Variants in PRDM16 observed in about 807,000 individuals in gnomAD.
PRDM16 encodes PR/SET domain 16, also known as histone-lysine N-methyltransferase PRDM16.
Under a neutral mutation model 110.6 loss-of-function variants are expected in PRDM16, and 23 were observed. The ratio of observed to expected loss-of-function variants is 0.21; its 90% CI spans 0.15 to 0.29. The LOEUF (loss-of-function observed/expected upper bound fraction) is 0.29. Among genes scored for constraint, PRDM16 ranks in the 10% least tolerant of loss-of-function variants. The pLI is 1.00. For synonymous variants in PRDM16, 799 were observed against 781.8 expected (o/e 1.02, Z -0.37); for missense variants, 1,615 against 1,794.3 (o/e 0.90, Z 1.81).
At chr1:3,319,150 A>C (rs1159535136) in intron 3 of PRDM16, among the ~76,000 whole-genome samples, 2 of 152,122 alleles carry the variant, frequency 1.3e-5, no homozygotes, top group South Asian at 4.1e-4. Flanking sequence ...GGGACTGCTG[A>C]GGCTGGAGGT....
intron 2 of PRDM16, among the ~76,000 whole-genome samples, chr1:3,212,598 T>G: frequency 6.8e-6 from 1 of 146,946 alleles, no homozygotes; most frequent in African/African-American, 2.5e-5. Context: ...CCCCCGCTCA[T>G]CCTCCCGGCC....
chr1:3,187,851 G>A (rs371467010), intron 2 of PRDM16, among the ~76,000 whole-genome samples: 12 of 152,212 alleles, frequency 7.9e-5, no homozygotes, highest in East Asian at 3.8e-4. Flanking sequence ...TGGGGGTCCC[G>A]GTGCCTGAAG....
At chr1:3,383,051 C>T (rs1643132239) in intron 3 of PRDM16, among the ~76,000 whole-genome samples, 1 of 152,246 alleles carries the variant, frequency 6.6e-6, no homozygotes, top group African/African-American at 2.4e-5. Context: ...CACAGGCCCA[C>T]CTACAGTTCC....
At chr1:3,253,714 G>A (rs2100227637) in intron 3 of PRDM16, among the ~76,000 whole-genome samples, 1 of 152,240 alleles carries the variant, frequency 6.6e-6, no homozygotes, top group African/African-American at 2.4e-5. Flanking sequence ...AGTCCTTTGG[G>A]TATATACCCA....
intron 1 of PRDM16, among the ~76,000 whole-genome samples, chr1:3,119,090 C>T (rs899871921): frequency 1.3e-5 from 2 of 152,220 alleles, no homozygotes; most frequent in Non-Finnish European, 2.9e-5. Context: ...TACCCTGTGC[C>T]CTCCTTCAGG....
At chr1:3,237,166 G>A (rs528449640) in intron 2 of PRDM16, among the ~76,000 whole-genome samples, 6 of 152,192 alleles carry the variant, frequency 3.9e-5, no homozygotes, top group East Asian at 1.9e-4. Context: ...TGCCCCCATC[G>A]TCTGTTTCTT....
intron 3 of PRDM16, among the ~76,000 whole-genome samples, chr1:3,270,919 G>C (rs1640438598): frequency 6.6e-6 from 1 of 151,964 alleles, no homozygotes; most frequent in African/African-American, 2.4e-5. Flanking sequence ...GAGGAGGACA[G>C]TGGGGGAGGA....
intron 1 of PRDM16, among the ~76,000 whole-genome samples, chr1:3,181,244 A>ACG (rs1225918075): frequency 4.1e-5 from 2 of 48,598 alleles, no homozygotes; most frequent in African/African-American, 1.1e-4. Context: ...TCTTACACAC[A>ACG]GTCTTACACA....
In PRDM16 at chr1:3,196,336, G is replaced by T. The variant is rs1411436019; in HGVS notation, c.387+9862G>T. ...CTGACCCAGCCGGGCCCTGGAACTT[G>T]ACTTCACTACAGCCGATGGCCCTCT... is the stretch of plus-strand genomic sequence containing the variant. On this transcript the variant is annotated intron_variant, in intron 2 of 16. Coordinates refer to ENST00000270722, the MANE Select transcript of PRDM16 (RefSeq NM_022114.4). Among the ~76,000 whole-genome samples the T allele has an allele frequency of 2.0e-5, 3 of 152,260 alleles. No homozygotes were observed. In the East Asian group the frequency reaches 5.8e-4, roughly 29 times the overall value.
chr1:3,411,802 C>T lies in PRDM16; in HGVS notation c.1605C>T (p.Leu535=). The stretch of plus-strand genomic sequence containing the variant: ...CTCTGCTACCTCCCACATCGCTGCT[C>T]AAGAGCCCCCTGAACCACACCCAGG... ...RPPLLPPTSL[L]KSPLNHTQDA... The change falls in exon 9 of 17, where the codon CTC becomes CTT. Residue 535 remains leucine (L), a synonymous_variant. Transcript: ENST00000270722. 6.2e-7 allele frequency: 1 copy of T among 1,611,968 alleles called. No homozygotes were observed. Among genetic ancestry groups the T allele is most frequent in the South Asian group, 1.1e-5 (1 of 91,048 alleles).
intron 1 of PRDM16, among the ~76,000 whole-genome samples, chr1:3,181,582 T>C (rs1258566394): frequency 7.1e-6 from 1 of 139,866 alleles, no homozygotes; most frequent in African/African-American, 2.8e-5. Context: ...TTACACACGG[T>C]CTTACATATG....
chr1:3,176,448 A>G (rs559085501), intron 1 of PRDM16, among the ~76,000 whole-genome samples: 1 of 150,958 alleles, frequency 6.6e-6, no homozygotes, highest in East Asian at 2.0e-4. Context: ...ACAGCTCCTC[A>G]GAGCAGGAAG....
intron 3 of PRDM16, among the ~76,000 whole-genome samples, chr1:3,252,319 A>G (rs911201765): frequency 5.3e-5 from 8 of 152,282 alleles, no homozygotes; most frequent in Admixed American, 1.3e-4. Flanking sequence ...TGGGCTCTGC[A>G]GCTGCTCCTC....
intron 1 of PRDM16, among the ~76,000 whole-genome samples, chr1:3,076,107 C>A (rs180711049): frequency 4.6e-5 from 7 of 152,242 alleles, no homozygotes; most frequent in Admixed American, 3.9e-4. Flanking sequence ...AGGGAACCCA[C>A]CAGCCCCGCG....
intron 3 of PRDM16, among the ~76,000 whole-genome samples, chr1:3,298,147 G>A (rs149476280): frequency 9.2e-5 from 14 of 152,378 alleles, no homozygotes; most frequent in East Asian, 3.9e-4. Flanking sequence ...TTGGGAATAC[G>A]TGTAAGTGAC....
At chr1:3,181,579 CGGTCTTACATAT>C (rs1557509670) in intron 1 of PRDM16, among the ~76,000 whole-genome samples, 1 of 139,092 alleles carries the variant, frequency 7.2e-6, no homozygotes, top group Non-Finnish European at 1.5e-5. Flanking sequence ...GTCTTACACA[CGGTCTTACATAT>C]GGTCTTACAC....
intron 1 of PRDM16, among the ~76,000 whole-genome samples, chr1:3,076,595 G>A (rs1641906595): frequency 6.6e-6 from 1 of 152,204 alleles, no homozygotes; most frequent in South Asian, 2.1e-4. Context: ...GAGGGTGTCT[G>A]TCTCCTTCCT....
intron 1 of PRDM16, among the ~76,000 whole-genome samples, chr1:3,114,475 AAC>A (rs1196954192): frequency 3.5e-5 from 5 of 144,550 alleles, no homozygotes; most frequent in African/African-American, 1.1e-4. Context: ...ACGCAGTGTA[AAC>A]AGACACGCAC....
intron 3 of PRDM16, chr1:3,306,512 C>CT (rs1168469947): frequency 6.6e-5 from 10 of 152,330 alleles, no homozygotes; most frequent in African/African-American, 1.9e-4. Context: ...CACAGACAGA[C>CT]TTTTGTCTTA....
Sources: allele counts gnomAD v4.1 joint callset (sites outside exome capture counted in the v4.1 genomes callset), GRCh38; gene constraint gnomAD v4.1.1; transcripts MANE v1.5; gene names NCBI Gene and HGNC (gene_info 2026-07-23, HGNC 2026-07-21).